Variants in ZBBX observed in about 807,000 individuals in gnomAD.
ZBBX encodes zinc finger B-box domain containing.
In ZBBX, 101 loss-of-function variants were observed where a neutral mutation model predicts 108.5. The ratio of observed to expected loss-of-function variants is 0.93; its 90% confidence interval spans 0.79 to 1.10. The LOEUF (loss-of-function observed/expected upper bound fraction) is 1.10. Ranked by LOEUF, ZBBX falls within the 50% of genes least tolerant of loss-of-function variation. The probability of loss-of-function intolerance (pLI) is 0.00; values close to 1 mark genes in which losing one functional copy is unlikely to be tolerated. For missense variants in ZBBX, 1,009 were observed against 941.4 expected (o/e 1.07, Z -0.94); for synonymous variants, 356 against 323.4 (o/e 1.10, Z -1.08).
In ZBBX at chr3:167,266,443, C is replaced by T. The variant is rs545045509; in HGVS notation, c.2254+15795G>A. ...ACAGCTTACCCCCTTCCCGTCAGTT[C>T]TAATCAATAACTCACATCTCTTCCC... is the stretch of plus-strand genomic sequence containing the variant. On this transcript the variant is annotated intron_variant, in intron 20 of 21. Coordinates refer to ENST00000675490, the MANE Select transcript of ZBBX (RefSeq NM_001199201.2). 2.3e-4 allele frequency among the ~76,000 whole-genome samples: 35 copies of T among 152,264 alleles called. No homozygotes were observed. In the South Asian group the frequency reaches 6.8e-3, roughly 30 times the overall value.
chr3:167,212,585 T>C, the ZBBX span, among the ~76,000 whole-genome samples: 2 of 152,184 alleles, frequency 1.3e-5, no homozygotes, highest in Non-Finnish European at 2.9e-5. Context: ...ACCCCTGGCG[T>C]GGACCCACAG....
chr3:167,340,674 A>C (rs1740383068), intron 9 of ZBBX, among the ~76,000 whole-genome samples: 2 of 152,038 alleles, frequency 1.3e-5, no homozygotes, highest in Non-Finnish European at 2.9e-5. Context: ...ATTGGATCAA[A>C]GTTTTCATCT....
rs535983500 is a variant in ZBBX at position 167,301,728 on chromosome 3, C to T, written c.1726-3270G>A. 1.4e-4 allele frequency among the ~76,000 whole-genome samples: 22 copies of T among 152,146 alleles called. No individual in the cohort carries two copies. In the South Asian group the frequency reaches 4.6e-3, roughly 32 times the overall value. On this transcript the variant is annotated intron_variant, in intron 17 of 21. Coordinates refer to ENST00000675490, the MANE Select transcript of ZBBX (RefSeq NM_001199201.2). ...ATCCCAGCACTTTGGGAGGCCAAGG[C>T]GGTTGGATCGCGAGGTCAGGAGATC...
chr3:167,367,736 T>C (rs941299818), intron 5 of ZBBX, among the ~76,000 whole-genome samples: 1 of 151,278 alleles, frequency 6.6e-6, no homozygotes, highest in Non-Finnish European at 1.5e-5. Context: ...TGCTAGAAAA[T>C]GGGCTGGGAG....
chr3:167,360,657 T>A lies in ZBBX; in HGVS notation c.322+18A>T, dbSNP rs769692465. On this transcript the variant is annotated intron_variant, in intron 7 of 21. Coordinates refer to ENST00000675490, the MANE Select transcript of ZBBX (RefSeq NM_001199201.2). ...GGGATGTCTTTAGCATTTATTAACA[T>A]GGTGATAAATTATTTACCTTGAATC... is the stretch of plus-strand genomic sequence containing the variant. 41 of 1,315,684 alleles carry A rather than the reference T, an allele frequency of 3.1e-5. No individual in the cohort carries two copies. Among genetic ancestry groups the A allele is most frequent in the Non-Finnish European group, 4.1e-5 (41 of 1,001,366 alleles). The allele number at this position is 1,315,684 out of a possible 1,614,324, so 81.5% of individuals were successfully genotyped here.
Position 167,328,069 on chromosome 3 carries a change from C to T in ZBBX, c.735G>A (p.Lys245=). The change falls in exon 11 of 22, where the codon AAG becomes AAA. Residue 245 remains lysine (K), a synonymous_variant. Transcript: ENST00000675490. The stretch of plus-strand genomic sequence containing the variant: ...CGAATGACCCTTCACACAACAGACT[C>T]TTTCTTGGTTTTGTACGTTGTGCTC... ...MKRAQRTKPR[K]SLLCEGSFDE... 1.9e-6 allele frequency: 3 copies of T among 1,613,874 alleles called. No homozygotes were observed. The highest frequency in any genetic ancestry group is 2.5e-6 in the Non-Finnish European group (3 of 1,179,912).
At chr3:167,264,626 T>C (rs764280768) in intron 20 of ZBBX, among the ~76,000 whole-genome samples, 1 of 152,220 alleles carries the variant, frequency 6.6e-6, no homozygotes, top group Non-Finnish European at 1.5e-5. Context: ...CATTTAGTCT[T>C]TCTACTTAAG....
At chr3:167,399,321 C>G (rs191678592) in intron 1 of ZBBX, among the ~76,000 whole-genome samples, 1 of 152,230 alleles carries the variant, frequency 6.6e-6, no homozygotes, top group Admixed American at 6.6e-5. Context: ...TTCAGAACTA[C>G]TAAGTACAAG....
chr3:167,353,244 C>T (rs1742970809), intron 8 of ZBBX, among the ~76,000 whole-genome samples: 1 of 152,048 alleles, frequency 6.6e-6, no homozygotes, highest in Non-Finnish European at 1.5e-5. Context: ...CTCTGACACA[C>T]TCATCAATTG....
chr3:167,264,258 G>A (rs1000636213), intron 20 of ZBBX, among the ~76,000 whole-genome samples: 1 of 152,002 alleles, frequency 6.6e-6, no homozygotes, highest in African/African-American at 2.4e-5. Context: ...TTGTTTTCTG[G>A]TTGTTTTGTA....
At chr3:167,203,091 C>T in the ZBBX span, among the ~76,000 whole-genome samples, 7 of 152,018 alleles carry the variant, frequency 4.6e-5, no homozygotes. Context: ...TAACAAAATA[C>T]CACAAACTAG....
At chr3:167,268,384 C>A (rs568718749) in intron 20 of ZBBX, among the ~76,000 whole-genome samples, 2 of 151,864 alleles carry the variant, frequency 1.3e-5, no homozygotes, top group East Asian at 3.9e-4. Flanking sequence ...AGCGTGAACA[C>A]CCTCCCAGTC....
rs1190190928 is a variant in ZBBX at position 167,283,975 on chromosome 3, A to G, written c.1997-1480T>C. 2.8e-4 allele frequency among the ~76,000 whole-genome samples: 42 copies of G among 152,142 alleles called. 1 individual carries two copies. Among genetic ancestry groups the G allele is most frequent in the Admixed American group, 2.7e-3 (42 of 15,276 alleles). Reference sequence around the variant, plus strand: ...GTCTAATACCTCAAGAAGACTCTCAATACAGTATGTAATTATTTAAGCAAT... The same window carrying G: ...GTCTAATACCTCAAGAAGACTCTCAGTACAGTATGTAATTATTTAAGCAAT... On this transcript the variant is annotated intron_variant, in intron 19 of 21. Coordinates refer to ENST00000675490, the MANE Select transcript of ZBBX (RefSeq NM_001199201.2).
intron 20 of ZBBX, among the ~76,000 whole-genome samples, chr3:167,280,124 A>C (rs1207163780): frequency 6.6e-5 from 10 of 152,220 alleles, no homozygotes; most frequent in Non-Finnish European, 1.2e-4. Flanking sequence ...CTTAAACTTT[A>C]GACCAAAAAC....
chr3:167,310,615 T>C (rs1190596810), intron 16 of ZBBX, among the ~76,000 whole-genome samples: 2 of 152,066 alleles, frequency 1.3e-5, no homozygotes, highest in African/African-American at 2.4e-5. Flanking sequence ...CACACACTTT[T>C]AAATCATCAG....
chr3:167,400,041 T>C (rs1748372120), intron 1 of ZBBX, among the ~76,000 whole-genome samples: 1 of 152,200 alleles, frequency 6.6e-6, no homozygotes, highest in South Asian at 2.1e-4. Context: ...AATGATTTCA[T>C]TCTTTATGGC....
At chr3:167,188,310 A>G in the ZBBX span, among the ~76,000 whole-genome samples, 11 of 152,162 alleles carry the variant, frequency 7.2e-5, no homozygotes, top group Non-Finnish European at 1.2e-4. Context: ...AAAAAGATAG[A>G]TATAAAATAT....
At chr3:167,199,243 C>A in the ZBBX span, among the ~76,000 whole-genome samples, 1 of 152,252 alleles carries the variant, frequency 6.6e-6, no homozygotes, top group South Asian at 2.1e-4. Context: ...CCACTGAAAG[C>A]TGATGAATTC....
the ZBBX span, among the ~76,000 whole-genome samples, chr3:167,226,269 T>A: frequency 6.6e-6 from 1 of 151,792 alleles, no homozygotes; most frequent in African/African-American, 2.4e-5. Flanking sequence ...AGACATATAG[T>A]TAACATACAT....
Sources: allele counts gnomAD v4.1 joint callset (sites outside exome capture counted in the v4.1 genomes callset), GRCh38; gene constraint gnomAD v4.1.1; transcripts MANE v1.5; gene names NCBI Gene and HGNC (gene_info 2026-07-23, HGNC 2026-07-21).